The following ADAMTSL3 variants were observed in gnomAD, a reference collection of about 807,000 sequenced individuals.
ADAMTSL3 encodes ADAMTS like 3, also known as ADAMTS-like protein 3.
ADAMTSL3 carries 128 observed loss-of-function variants against 201.7 expected under a neutral mutation model. The observed-to-expected ratio is 0.63, with a 90% confidence interval of 0.55 to 0.73. ADAMTSL3 has a LOEUF of 0.73. ADAMTSL3 is among the 30% of genes least tolerant of loss of function. The pLI is 0.00. For missense variants in ADAMTSL3, 1,990 were observed against 2,119.6 expected (o/e 0.94, Z 1.20); for synonymous variants, 738 against 748.4 (o/e 0.99, Z 0.23).
At chr15:83,780,116 G>A (rs1297260127) in intron 4 of ADAMTSL3, among the ~76,000 whole-genome samples, 2 of 151,952 alleles carry the variant, frequency 1.3e-5, no homozygotes, top group South Asian at 2.1e-4. Context: ...AAAACCATTC[G>A]AAAGATCAAT....
Position 84,031,356 on chromosome 15 carries a change from C to T in ADAMTSL3, c.4678C>T (p.Arg1560Cys), listed in dbSNP as rs35633782. ...GNRCPGRCMG[R>C]AVRMQQRHTA... ...CCAGTGTCCTGGACGTTGCATGGGC[C>T]GTGCTGTGAGGATGCAGCAGCGTCA... Residue 1560 changes from arginine (R) to cysteine (C), a missense_variant, in exon 28 of 30, where the codon CGT (arginine) becomes TGT (cysteine). Physicochemically the swap from Arg to Cys is radical, Grantham distance 180. Coordinates refer to ENST00000286744, the MANE Select transcript of ADAMTSL3 (RefSeq NM_207517.3). 16,749 of 1,613,930 alleles carry T rather than the reference C, an allele frequency of 0.01. 91 individuals are homozygous for T. Among genetic ancestry groups the T allele is most frequent in the Non-Finnish European group, 0.012 (14,011 of 1,179,988 alleles).
At chr15:83,678,797 A>AATATATATTT (rs372246664) in intron 2 of ADAMTSL3, among the ~76,000 whole-genome samples, 109,500 of 139,128 alleles carry the variant, frequency 0.79, 43,448 homozygotes, top group East Asian at 0.96. Flanking sequence ...ATGTATATAT[A>AATATATATTT]ATATATATTT....
intron 12 of ADAMTSL3, 99 bp from the exon 13 acceptor site, chr15:83,892,585 C>A: frequency 1.7e-6 from 2 of 1,201,316 alleles, no homozygotes; most frequent in Non-Finnish European, 2.4e-6. Flanking sequence ...TTCAGCTGAA[C>A]CACAATTGAT....
At chr15:84,025,186 C>T in intron 26 of ADAMTSL3, 52 bp from the exon 27 acceptor site, 2 of 1,486,878 alleles carry the variant, frequency 1.3e-6, no homozygotes, top group Non-Finnish European at 1.8e-6. Context: ...GACGCCCCCT[C>T]TAAGATCTGG....
At chr15:83,856,323 A>G (rs940829688) in intron 7 of ADAMTSL3, among the ~76,000 whole-genome samples, 1 of 151,366 alleles carries the variant, frequency 6.6e-6, no homozygotes, top group Non-Finnish European at 1.5e-5. Context: ...ACACACCACC[A>G]TACCCACATT....
At chr15:83,671,262 G>T (rs1469788039) in intron 2 of ADAMTSL3, among the ~76,000 whole-genome samples, 3 of 152,180 alleles carry the variant, frequency 2.0e-5, no homozygotes, top group Non-Finnish European at 2.9e-5. Flanking sequence ...AGGTTGGAAA[G>T]AACTTGCCAA....
rs142228009 is a variant in ADAMTSL3 at position 83,998,483 on chromosome 15, A to G, written c.3973+7269A>G. Among the ~76,000 whole-genome samples, 1,370 of 152,308 alleles carry G rather than the reference A, an allele frequency of 9.0e-3. 18 individuals carry two copies. The highest frequency in any genetic ancestry group is 0.011 in the Non-Finnish European group (764 of 68,022). On this transcript the variant is annotated intron_variant, in intron 23 of 29. Coordinates refer to ENST00000286744, the MANE Select transcript of ADAMTSL3 (RefSeq NM_207517.3). The stretch of plus-strand genomic sequence containing the variant: ...AAAAAAAGAAAGGAATCAAATAATA[A>G]AAGAGTCTGTAAATCAATGAAACCA...
chr15:84,017,476 C>T lies in ADAMTSL3; in HGVS notation c.4273+977C>T, dbSNP rs139967266. ...CGTTATATAGGAACAATAATGGCCA[C>T]GTCATTTTCACCTTTTAAATCTTGA... On this transcript the variant is annotated intron_variant, in intron 25 of 29. Coordinates refer to ENST00000286744, the MANE Select transcript of ADAMTSL3 (RefSeq NM_207517.3). Among the ~76,000 whole-genome samples, 7 of 152,288 alleles carry T rather than the reference C, an allele frequency of 4.6e-5. No individual in the cohort carries two copies. In the East Asian group the frequency reaches 7.7e-4, roughly 17 times the overall value.
chr15:83,737,190 C>T (rs991796878), intron 3 of ADAMTSL3, among the ~76,000 whole-genome samples: 1 of 152,016 alleles, frequency 6.6e-6, no homozygotes, highest in African/African-American at 2.4e-5. Flanking sequence ...AAATTCAGCA[C>T]AGTGTAAAAA....
intron 19 of ADAMTSL3, 41 bp downstream of exon 19, chr15:83,943,123 C>T: frequency 6.5e-7 from 1 of 1,550,022 alleles, no homozygotes; most frequent in South Asian, 1.3e-5. Context: ...TCTTTTCTGC[C>T]CCTCCTTTGT....
At chr15:83,755,240 AATT>A (rs1391536697) in intron 3 of ADAMTSL3, among the ~76,000 whole-genome samples, 1 of 152,150 alleles carries the variant, frequency 6.6e-6, no homozygotes, top group African/African-American at 2.4e-5. Context: ...TCTTTTAAAA[AATT>A]ATTGTGGTAA....
At chr15:83,782,716 A>G (rs2063192120) in intron 4 of ADAMTSL3, among the ~76,000 whole-genome samples, 1 of 152,058 alleles carries the variant, frequency 6.6e-6, no homozygotes, top group Admixed American at 6.6e-5. Context: ...TCACTGGGAC[A>G]TATTGGAGGG....
intron 23 of ADAMTSL3, among the ~76,000 whole-genome samples, chr15:83,993,224 TACAG>T (rs986955091): frequency 1.3e-5 from 2 of 152,240 alleles, no homozygotes; most frequent in Non-Finnish European, 2.9e-5. Flanking sequence ...ACTTGAGTTT[TACAG>T]ACAGTCTTGT....
At chr15:83,729,544 G>A (rs1318999021) in intron 3 of ADAMTSL3, among the ~76,000 whole-genome samples, 1 of 151,720 alleles carries the variant, frequency 6.6e-6, no homozygotes, top group East Asian at 1.9e-4. Context: ...AAGGGATTCT[G>A]ATGCATTCTT....
chr15:83,925,763 A>G (rs544199884), intron 17 of ADAMTSL3, among the ~76,000 whole-genome samples: 2 of 152,248 alleles, frequency 1.3e-5, no homozygotes, highest in East Asian at 3.9e-4. Flanking sequence ...TATGTTTCTC[A>G]GTTTTTTCTG....
At chr15:83,856,092 CA>C (rs75625071) in intron 7 of ADAMTSL3, among the ~76,000 whole-genome samples, 58,195 of 151,416 alleles carry the variant, frequency 0.38, 13,144 homozygotes, top group African/African-American at 0.59. Context: ...TACCAGTTTT[CA>C]AAAACGATGA....
chr15:84,018,112 A>G (rs1596542062), intron 25 of ADAMTSL3, among the ~76,000 whole-genome samples: 1 of 152,212 alleles, frequency 6.6e-6, no homozygotes, highest in African/African-American at 2.4e-5. Flanking sequence ...CAAAAAGGAT[A>G]TGTGTGAGGC....
chr15:83,800,927 G>T (rs2141851381), intron 4 of ADAMTSL3, among the ~76,000 whole-genome samples: 1 of 152,202 alleles, frequency 6.6e-6, no homozygotes, highest in East Asian at 1.9e-4. Flanking sequence ...AAAGCAAAAT[G>T]AAGTAGGCCA....
intron 4 of ADAMTSL3, among the ~76,000 whole-genome samples, chr15:83,783,816 A>G (rs2141799190): frequency 6.8e-6 from 1 of 147,700 alleles, no homozygotes; most frequent in South Asian, 2.3e-4. Context: ...AGCAAATTTT[A>G]AAAGTATCTG....
Sources: allele counts gnomAD v4.1 joint callset (sites outside exome capture counted in the v4.1 genomes callset), GRCh38; gene constraint gnomAD v4.1.1; transcripts MANE v1.5; gene names NCBI Gene and HGNC (gene_info 2026-07-23, HGNC 2026-07-21).